Variants in NUP62CL observed in about 807,000 individuals in gnomAD.
NUP62CL encodes the protein nucleoporin-62 C-terminal-like protein.
NUP62CL carries 13 observed loss-of-function variants against 15.3 expected under a neutral mutation model. That is an observed-to-expected ratio of 0.85 (90% CI 0.55 to 1.35). NUP62CL has a LOEUF of 1.35. Ranked by LOEUF, NUP62CL falls within the 40% of genes most tolerant of loss-of-function variation. NUP62CL has a pLI of 0.00. For missense variants in NUP62CL, 123 were observed against 130.6 expected (o/e 0.94, Z 0.28); for synonymous variants, 54 against 49.2 (o/e 1.10, Z -0.41).
chrX:107,175,258 A>T, intron 2 of NUP62CL, 65 bp from the exon 3 acceptor site: 2 of 546,095 alleles, frequency 3.7e-6, no homozygotes, highest in South Asian at 6.2e-5. Context: ...GTAAAACAAC[A>T]TTATGACAAG....
intron 6 of NUP62CL, 23 bp from the exon 7 acceptor site, chrX:107,153,329 A>C (rs1400550313): frequency 8.4e-7 from 1 of 1,187,879 alleles, no homozygotes; most frequent in Non-Finnish European, 1.1e-6. Flanking sequence ...AGTTAATAAA[A>C]AGGCTGATGA....
chrX:107,128,718 T>C (rs1292173267), intron 8 of NUP62CL, among the ~76,000 whole-genome samples: 2 of 111,337 alleles, frequency 1.8e-5, no homozygotes, highest in Non-Finnish European at 3.8e-5. Context: ...GATGATGGGG[T>C]AGAGTACTCC....
At chrX:107,158,480 C>T (rs1255762952) in intron 4 of NUP62CL, among the ~76,000 whole-genome samples, 1 of 81,021 alleles carries the variant, frequency 1.2e-5, no homozygotes, top group Non-Finnish European at 2.1e-5. Flanking sequence ...GAATCTCACT[C>T]AAAGCCACTC....
intron 8 of NUP62CL, among the ~76,000 whole-genome samples, chrX:107,135,271 G>A (rs1175232254): frequency 1.8e-5 from 2 of 111,642 alleles, no homozygotes; most frequent in Admixed American, 9.5e-5. Flanking sequence ...AAGAAGTGCT[G>A]AGTGATGGGA....
intron 1 of NUP62CL, among the ~76,000 whole-genome samples, chrX:107,204,327 C>T (rs1037707849): frequency 9.0e-6 from 1 of 111,326 alleles, no homozygotes; most frequent in Non-Finnish European, 1.9e-5. Flanking sequence ...CTCTCTAATC[C>T]TTATGTTCCT....
chrX:107,205,970 A>G (rs950285992), intron 1 of NUP62CL, among the ~76,000 whole-genome samples: 5 of 110,372 alleles, frequency 4.5e-5, no homozygotes, highest in Non-Finnish European at 7.6e-5. Flanking sequence ...AGCCTTGCCT[A>G]CAGAGGAGAA....
At chrX:107,150,623 G>A (rs938728344) in intron 7 of NUP62CL, among the ~76,000 whole-genome samples, 1 of 112,282 alleles carries the variant, frequency 8.9e-6, no homozygotes, top group African/African-American at 3.2e-5. Context: ...TCAGCCTCCA[G>A]AGTAGGTAGG....
intron 2 of NUP62CL, among the ~76,000 whole-genome samples, chrX:107,178,914 A>C (rs904926212): frequency 6.4e-5 from 7 of 109,765 alleles, no homozygotes; most frequent in African/African-American, 2.3e-4. Flanking sequence ...CAACATGGTG[A>C]AACCCCGTCT....
chrX:107,179,069 T>C (rs1159233870), intron 2 of NUP62CL, among the ~76,000 whole-genome samples: 1 of 106,202 alleles, frequency 9.4e-6, no homozygotes, highest in Non-Finnish European at 1.9e-5. Context: ...CACTCCAGCC[T>C]GGCAACAAAG....
At chrX:107,126,398 T>C (rs1202923459) in intron 8 of NUP62CL, among the ~76,000 whole-genome samples, 1 of 111,842 alleles carries the variant, frequency 8.9e-6, no homozygotes, top group Non-Finnish European at 1.9e-5. Flanking sequence ...TAAATGTATA[T>C]GGAGAGGCAA....
intron 2 of NUP62CL, among the ~76,000 whole-genome samples, chrX:107,186,022 G>A (rs1172182023): frequency 9.0e-6 from 1 of 111,683 alleles, no homozygotes; most frequent in Non-Finnish European, 1.9e-5. Context: ...CCTCTAAGAA[G>A]TCTTAGTAAT....
chrX:107,126,791 TG>T (rs759033395), intron 8 of NUP62CL, among the ~76,000 whole-genome samples: 35 of 112,339 alleles, frequency 3.1e-4, no homozygotes, highest in African/African-American at 1.1e-3. Context: ...CCCAGCACTT[TG>T]GGGGGCCGAG....
At chrX:107,191,257 GATA>G in intron 2 of NUP62CL, among the ~76,000 whole-genome samples, 1 of 104,902 alleles carries the variant, frequency 9.5e-6, no homozygotes, top group Non-Finnish European at 1.9e-5. Context: ...AATACAGAAA[GATA>G]ACCAGATATT....
rs141534933 is a variant in NUP62CL at position 107,143,692 on chromosome X, C to A, written c.*42+4051G>T. 4.7e-3 allele frequency among the ~76,000 whole-genome samples: 526 copies of A among 111,867 alleles called. 4 individuals are homozygous for A. Among genetic ancestry groups the A allele is most frequent in the African/African-American group, 0.016 (490 of 30,869 alleles). On this transcript the variant is annotated intron_variant, in intron 8 of 8. Transcript: ENST00000372466. ...TTGATTATATACAAGTTGAAGATTT[C>A]TCTTTAGTAAAAAACTATAATATTT...
intron 2 of NUP62CL, among the ~76,000 whole-genome samples, chrX:107,178,650 A>G (rs1926841304): frequency 8.9e-6 from 1 of 112,062 alleles, no homozygotes; most frequent in African/African-American, 3.2e-5. Context: ...TTCAACTGTC[A>G]TGGTGACAAA....
chrX:107,203,535 C>T (rs1849235571), intron 1 of NUP62CL, among the ~76,000 whole-genome samples: 1 of 110,754 alleles, frequency 9.0e-6, no homozygotes, highest in Admixed American at 9.6e-5. Context: ...TGTGAGCCAC[C>T]GCACCTGGCT....
intron 4 of NUP62CL, among the ~76,000 whole-genome samples, chrX:107,162,467 A>C (rs894809884): frequency 8.9e-6 from 1 of 111,764 alleles, no homozygotes. Flanking sequence ...AAGAAAAAAA[A>C]ATCTTGAAAG....
chrX:107,156,878 G>C (rs1159821984), intron 4 of NUP62CL, among the ~76,000 whole-genome samples: 1 of 93,697 alleles, frequency 1.1e-5, no homozygotes, highest in African/African-American at 4.0e-5. Context: ...TGAAAACTTT[G>C]AAAAAAATTT....
At chrX:107,132,010 CA>C in intron 8 of NUP62CL, 2 of 1,010,862 alleles carry the variant, frequency 2.0e-6, no homozygotes, top group Non-Finnish European at 1.4e-6. Flanking sequence ...GGAATGGTTG[CA>C]AATAAAGGAT....
Sources: gnomAD v4.1 joint callset for allele counts (sites outside exome capture counted in the v4.1 genomes callset) on GRCh38, gnomAD v4.1.1 for gene constraint, MANE v1.5 for transcripts, NCBI Gene and HGNC (gene_info 2026-07-23, HGNC 2026-07-21) for gene names.